Variants in FRK observed in about 807,000 individuals in gnomAD.
FRK encodes the protein tyrosine-protein kinase FRK.
Under a neutral mutation model 56.4 loss-of-function variants are expected in FRK, and 51 were observed. The ratio of observed to expected loss-of-function variants is 0.90; its 90% CI spans 0.72 to 1.14. FRK has a LOEUF of 1.14. Ranked by LOEUF, FRK falls within the 50% of genes most tolerant of loss-of-function variation. FRK has a pLI of 0.00. For missense variants in FRK, 570 were observed against 601.4 expected, an observed-to-expected ratio of 0.95 and a Z score of 0.55; for synonymous variants, 245 against 217.9, an observed-to-expected ratio of 1.12 and a Z score of -1.10.
At chr6:116,003,827 G>T in intron 2 of FRK, 50 bp downstream of exon 2, 1 of 1,597,582 alleles carries the variant, frequency 6.3e-7, no homozygotes, top group South Asian at 1.1e-5. Flanking sequence ...GAAAGCTCAT[G>T]ACTGCAGACT....
chr6:116,074,725 T>C, the FRK span, among the ~76,000 whole-genome samples: 1 of 152,076 alleles, frequency 6.6e-6, no homozygotes, highest in African/African-American at 2.4e-5. Context: ...CCATCCCAGG[T>C]CCACTTCTCA....
At chr6:116,043,662 A>G (rs1007248083) in intron 1 of FRK, among the ~76,000 whole-genome samples, 1 of 152,152 alleles carries the variant, frequency 6.6e-6, no homozygotes, top group Non-Finnish European at 1.5e-5. Flanking sequence ...ACACCCTAAC[A>G]TTGCAATTAA....
At chr6:116,039,273 G>T in intron 1 of FRK, 3 of 1,483,962 alleles carry the variant, frequency 2.0e-6, no homozygotes, top group Non-Finnish European at 2.8e-6. Flanking sequence ...GTACCAGCAA[G>T]ACTGCAACAC....
intron 1 of FRK, among the ~76,000 whole-genome samples, chr6:116,015,982 A>C (rs529594569): frequency 6.6e-6 from 1 of 152,214 alleles, no homozygotes; most frequent in African/African-American, 2.4e-5. Context: ...CAGCCTGATC[A>C]TGTGGTAGAA....
In FRK at chr6:115,942,346, A is replaced by G; in HGVS notation, c.*68T>C. 1 of 1,291,592 alleles carries G rather than the reference A, an allele frequency of 7.7e-7. No homozygotes were observed. Among genetic ancestry groups the G allele is most frequent in the Non-Finnish European group, 1.1e-6 (1 of 898,388 alleles). 80.0% of individuals were successfully genotyped at this position (1,291,592 alleles called of 1,614,324 possible). On this transcript the variant is annotated 3_prime_UTR_variant, in exon 8 of 8. Coordinates refer to ENST00000606080, the MANE Select transcript of FRK (RefSeq NM_002031.3). ...ACTGATTGTGCAGTTGGTTGATAACATTGTATTTTGGAATGGATTATTTGA... is the reference window on the plus strand; with the variant it reads ...ACTGATTGTGCAGTTGGTTGATAACGTTGTATTTTGGAATGGATTATTTGA...
chr6:115,974,621 T>A (rs1043919579), intron 2 of FRK, among the ~76,000 whole-genome samples: 2 of 152,172 alleles, frequency 1.3e-5, no homozygotes, highest in Non-Finnish European at 2.9e-5. Context: ...GTAGGCTTTT[T>A]AAAAAAATCT....
At position 115,936,427 on chromosome 6, in the gene FRK, G is replaced by C. The variant is rs966680944; in HGVS notation, c.*5987C>G. Reference sequence around the variant, plus strand: ...ACAGAATGCCTCTTCTCCTCCAAAGGATCACAACTCCTTGCCAGCAAGGGA... The same window carrying C: ...ACAGAATGCCTCTTCTCCTCCAAAGCATCACAACTCCTTGCCAGCAAGGGA... On this transcript the variant is annotated 3_prime_UTR_variant, in exon 8 of 8. Coordinates refer to ENST00000606080, the MANE Select transcript of FRK (RefSeq NM_002031.3). 3 of 152,170 alleles carry C rather than the reference G, an allele frequency of 2.0e-5. No individual in the cohort carries two copies. Among genetic ancestry groups the C allele is most frequent in the Non-Finnish European group, 2.9e-5 (2 of 68,028 alleles). The allele number at this position is 152,170 out of a possible 1,614,324, so 9.4% of individuals were successfully genotyped here.
intron 4 of FRK, among the ~76,000 whole-genome samples, chr6:115,959,964 T>TA (rs34994379): frequency 0.21 from 30,029 of 146,250 alleles, 3,411 homozygotes; most frequent in Middle Eastern, 0.3. Flanking sequence ...TAAGTGAAAA[T>TA]AAAAAAAAAA....
chr6:116,072,762 G>A, the FRK span, among the ~76,000 whole-genome samples: 1 of 152,076 alleles, frequency 6.6e-6, no homozygotes, highest in Non-Finnish European at 1.5e-5. Flanking sequence ...AGAATTAAGG[G>A]TTGTTATCCT....
At chr6:116,082,295 G>C in the FRK span, among the ~76,000 whole-genome samples, 1 of 152,180 alleles carries the variant, frequency 6.6e-6, no homozygotes, top group African/African-American at 2.4e-5. Flanking sequence ...TTCTGAGTGA[G>C]GCTAAAAGCC....
chr6:115,932,448 A>G lies in FRK; in HGVS notation c.*9966T>C, dbSNP rs975256797. ...ATTCCAGAAAAAACAAGAATCAAAC[A>G]TTGTCAGATCAGCCCACTGGCAATT... On this transcript the variant is annotated 3_prime_UTR_variant, in exon 8 of 8. Transcript: ENST00000606080. The G allele has an allele frequency of 1.3e-5, 2 of 152,232 alleles. No homozygotes were observed. Among genetic ancestry groups the G allele is most frequent in the South Asian group, 4.1e-4 (2 of 4,836 alleles). The allele number at this position is 152,232 out of a possible 1,614,324, so 9.4% of individuals were successfully genotyped here.
rs559712110 is a variant in FRK at position 115,996,987 on chromosome 6, T to A, written c.466+6890A>T. Among the ~76,000 whole-genome samples, 105 of 152,308 alleles carry A rather than the reference T, an allele frequency of 6.9e-4. 1 individual carries two copies. The highest frequency in any genetic ancestry group is 6.8e-3 in the Middle Eastern group (2 of 294). On this transcript the variant is annotated intron_variant, in intron 2 of 7. Coordinates refer to ENST00000606080, the MANE Select transcript of FRK (RefSeq NM_002031.3). ...ATTAATTACAAGGCATGCAGAAATA[T>A]TTACAAAGTTACAAATCCAGAGTAT... is the stretch of plus-strand genomic sequence containing the variant.
chr6:116,015,822 C>T (rs1297340037), intron 1 of FRK, among the ~76,000 whole-genome samples: 2 of 152,136 alleles, frequency 1.3e-5, no homozygotes, highest in African/African-American at 4.8e-5. Context: ...TTTAGGGTAT[C>T]TAGCAGAAGA....
chr6:115,970,071 G>A (rs868346337), intron 2 of FRK, among the ~76,000 whole-genome samples: 3 of 151,732 alleles, frequency 2.0e-5, no homozygotes, highest in South Asian at 2.1e-4. Flanking sequence ...TCTTATGATA[G>A]GAAAGAAGAC....
In FRK at chr6:115,947,525, A is replaced by T. The variant is rs144000808; in HGVS notation, c.959-3100T>A. Among the ~76,000 whole-genome samples the T allele has an allele frequency of 2.6e-5, 4 of 152,196 alleles. No individual in the cohort carries two copies. In the East Asian group the frequency reaches 7.7e-4, roughly 29 times the overall value. On this transcript the variant is annotated intron_variant, in intron 5 of 7. Transcript: ENST00000606080. ...CCCTGTCACTAGTTCTGGGCAATGC[A>T]ATGTGTGCAAAAACGATGAACATCA... is the stretch of plus-strand genomic sequence containing the variant.
In FRK at chr6:116,008,893, G is replaced by A. The variant is rs562672019; in HGVS notation, c.345-4895C>T. 9.2e-5 allele frequency among the ~76,000 whole-genome samples: 14 copies of A among 152,270 alleles called. No homozygotes were observed. In the East Asian group the frequency reaches 2.1e-3, roughly 23 times the overall value. ...GTGTGGTCCCTAGATCAGGAGCATCGCATCACATGAAAACTTGTGTTAAAA... is the reference window on the plus strand; with the variant it reads ...GTGTGGTCCCTAGATCAGGAGCATCACATCACATGAAAACTTGTGTTAAAA... On this transcript the variant is annotated intron_variant, in intron 1 of 7. Coordinates refer to ENST00000606080, the MANE Select transcript of FRK (RefSeq NM_002031.3).
At chr6:115,985,524 G>A (rs1774358552) in intron 2 of FRK, among the ~76,000 whole-genome samples, 1 of 152,104 alleles carries the variant, frequency 6.6e-6, no homozygotes. Context: ...TGGGGTGGAT[G>A]TCCACATAAG....
upstream of FRK, among the ~76,000 whole-genome samples, chr6:116,061,835 C>T (rs1192178387): frequency 2.6e-5 from 4 of 151,996 alleles, no homozygotes; most frequent in Non-Finnish European, 5.9e-5. Flanking sequence ...TTGTGAGACC[C>T]TTGAACCTGG....
At chr6:115,949,202 T>C (rs1389715085) in intron 5 of FRK, among the ~76,000 whole-genome samples, 1 of 152,210 alleles carries the variant, frequency 6.6e-6, no homozygotes, top group Non-Finnish European at 1.5e-5. Context: ...AATGGGGTTT[T>C]CTAAATATAC....
Sources: gnomAD v4.1 joint callset for allele counts (sites outside exome capture counted in the v4.1 genomes callset) on GRCh38, gnomAD v4.1.1 for gene constraint, MANE v1.5 for transcripts, NCBI Gene and HGNC (gene_info 2026-07-23, HGNC 2026-07-21) for gene names.